Variants in VIT observed in about 807,000 individuals in gnomAD.
The protein encoded by VIT is vitrin.
In VIT, 99 loss-of-function variants were observed where a neutral mutation model predicts 78.0. The observed-to-expected ratio is 1.27, with a 90% confidence interval of 1.08 to 1.50. VIT has a LOEUF of 1.50. VIT is among the 40% of genes most tolerant of loss of function. VIT has a pLI of 0.00. For synonymous variants in VIT, 374 were observed against 334.3 expected (o/e 1.12, Z -1.29); for missense variants, 1,126 against 875.3 (o/e 1.29, Z -3.61).
intron 8 of VIT, among the ~76,000 whole-genome samples, chr2:36,774,287 C>T (rs1254033366): frequency 6.6e-6 from 1 of 152,092 alleles, no homozygotes; most frequent in Non-Finnish European, 1.5e-5. Context: ...CCCGGGAGTT[C>T]ACCTATGAAT....
chr2:36,757,932 G>A (rs1298580214), intron 5 of VIT, among the ~76,000 whole-genome samples: 6 of 152,068 alleles, frequency 3.9e-5, no homozygotes, highest in South Asian at 2.1e-4. Context: ...CCTAGACCCT[G>A]CTATTCTTTC....
At chr2:36,794,999 A>C (rs1013584657) in intron 12 of VIT, among the ~76,000 whole-genome samples, 2 of 152,162 alleles carry the variant, frequency 1.3e-5, no homozygotes, top group African/African-American at 4.8e-5. Flanking sequence ...GTTCACCTCC[A>C]CTGGGGATGA....
intron 1 of VIT, among the ~76,000 whole-genome samples, chr2:36,698,922 C>A (rs1236846155): frequency 1.3e-5 from 2 of 150,174 alleles, no homozygotes; most frequent in Non-Finnish European, 3.0e-5. Context: ...CCAGCCTGGG[C>A]AACAAAGTGA....
At chr2:36,765,956 A>G (rs11900609) in intron 6 of VIT, among the ~76,000 whole-genome samples, 2,923 of 152,326 alleles carry the variant, frequency 0.019, 98 homozygotes, top group African/African-American at 0.067. Context: ...GCATGCCCCA[A>G]TGGGGCCCAG....
chr2:36,806,437 G>A (rs1042337756), intron 14 of VIT, among the ~76,000 whole-genome samples: 1 of 151,990 alleles, frequency 6.6e-6, no homozygotes, highest in Non-Finnish European at 1.5e-5. Flanking sequence ...TTATTTCATT[G>A]CCTCTTGCCT....
At chr2:36,715,888 T>C (rs1263267256) in intron 1 of VIT, among the ~76,000 whole-genome samples, 1 of 152,192 alleles carries the variant, frequency 6.6e-6, no homozygotes, top group African/African-American at 2.4e-5. Flanking sequence ...CTTTCAAGGG[T>C]GAGAATTGTT....
chr2:36,739,771 C>T (rs762737503), intron 3 of VIT, among the ~76,000 whole-genome samples: 22 of 152,084 alleles, frequency 1.4e-4, no homozygotes, highest in East Asian at 1.9e-4. Flanking sequence ...AAGGGAGAAG[C>T]GGAGCAGGTG....
At chr2:36,770,496 C>A (rs927320689) in intron 7 of VIT, among the ~76,000 whole-genome samples, 2 of 152,184 alleles carry the variant, frequency 1.3e-5, no homozygotes, top group African/African-American at 4.8e-5. Flanking sequence ...GGCCCCTTAA[C>A]TGACCCATAA....
Position 36,808,590 on chromosome 2 carries a change from A to G in VIT, c.1508A>G (p.Lys503Arg). 6.2e-7 allele frequency: 1 copy of G among 1,614,196 alleles called. No homozygotes were observed. The change falls in exon 15 of 16, where the codon AAG (lysine) becomes AGG (arginine). Residue 503 changes from lysine (K) to arginine (R), a missense_variant. Lys to Arg is a conservative substitution (Grantham distance 26). Transcript: ENST00000379242. The stretch of plus-strand genomic sequence containing the variant: ...GACACTGACCGCCTGGCCTGCAGCA[A>G]GACCTGCTTGAACTCGGCTGACATT... Reference protein sequence around the residue: ...VCDTDRLACSKTCLNSADIGF... With the variant: ...VCDTDRLACSRTCLNSADIGF...
In VIT at chr2:36,814,651, C is replaced by A. The variant is rs1667436689; in HGVS notation, c.*290C>A. 2 of 321,276 alleles carry A rather than the reference C, an allele frequency of 6.2e-6. No individual in the cohort carries two copies. The highest frequency in any genetic ancestry group is 8.0e-5 in the South Asian group (1 of 12,424). The allele number at this position is 321,276 out of a possible 1,614,324, so 19.9% of individuals were successfully genotyped here. ...AATAAATGTTCGGAATACAGTGCAG[C>A]CCTTACGACAGGCTTACGTAGAGCT... is the stretch of plus-strand genomic sequence containing the variant. On this transcript the variant is annotated 3_prime_UTR_variant, in exon 16 of 16. Transcript: ENST00000379242.
At chr2:36,765,447 G>GAGAGAGAGAGAGAGAGA (rs759255390) in intron 6 of VIT, among the ~76,000 whole-genome samples, 26 of 148,768 alleles carry the variant, frequency 1.7e-4, no homozygotes, top group African/African-American at 3.5e-4. Flanking sequence ...GAGAGAGAGA[G>GAGAGAGAGAGAGAGAGA]GAAAAACTGC....
intron 15 of VIT, among the ~76,000 whole-genome samples, chr2:36,813,401 G>A (rs10200515): frequency 0.66 from 100,531 of 151,884 alleles, 33,973 homozygotes; most frequent in Admixed American, 0.8. Context: ...GTGAGTGGAG[G>A]TCACACCATT....
chr2:36,781,487 A>T (rs1043936613), intron 9 of VIT, among the ~76,000 whole-genome samples: 4 of 152,198 alleles, frequency 2.6e-5, no homozygotes, highest in African/African-American at 7.2e-5. Context: ...TTATTCCAAG[A>T]TTCTTGGTGC....
chr2:36,768,787 A>C (rs1416729778), intron 7 of VIT, among the ~76,000 whole-genome samples: 1 of 152,226 alleles, frequency 6.6e-6, no homozygotes, highest in African/African-American at 2.4e-5. Context: ...CAGCACAGCC[A>C]ACTTCTTCTT....
rs140591943 is a variant in VIT at position 36,749,037 on chromosome 2, G to T, written c.275+5781G>T. Among the ~76,000 whole-genome samples, 96 of 152,278 alleles carry T rather than the reference G, an allele frequency of 6.3e-4. 1 individual carries two copies. The highest frequency in any genetic ancestry group is 2.2e-3 in the African/African-American group (93 of 41,544). On this transcript the variant is annotated intron_variant, in intron 4 of 15. Transcript: ENST00000379242. Reference sequence around the variant, plus strand: ...TGACTTGGAAGTCATGCATGGTCCTGCATCTTTCATCATAGCACTCCATAA... The same window carrying T: ...TGACTTGGAAGTCATGCATGGTCCTTCATCTTTCATCATAGCACTCCATAA...
chr2:36,775,190 G>A, intron 9 of VIT, 123 bp downstream of exon 9: 2 of 1,079,436 alleles, frequency 1.9e-6, no homozygotes, highest in Non-Finnish European at 2.7e-6. Flanking sequence ...GGTCACCAGA[G>A]TTTGGGAGCA....
chr2:36,711,106 CAGG>C (rs1665773018), intron 1 of VIT, among the ~76,000 whole-genome samples: 1 of 152,160 alleles, frequency 6.6e-6, no homozygotes, highest in South Asian at 2.1e-4. Context: ...ATTCTTTCTC[CAGG>C]TTGCTTTTGC....
At chr2:36,716,869 CTTTTTTTTTTTT>C (rs557873230) in intron 2 of VIT, among the ~76,000 whole-genome samples, 1 of 78,698 alleles carries the variant, frequency 1.3e-5, no homozygotes, top group African/African-American at 5.4e-5. Context: ...AGAGATGATT[CTTTTTTTTTTTT>C]TTTTTTTTTT....
intron 6 of VIT, among the ~76,000 whole-genome samples, chr2:36,765,755 G>GTCTACCC (rs1254338493): frequency 2.0e-5 from 3 of 152,250 alleles, no homozygotes; most frequent in Non-Finnish European, 4.4e-5. Flanking sequence ...AAGACACAGA[G>GTCTACCC]TCTACCCTAT....
Sources: gnomAD v4.1 joint callset for allele counts (sites outside exome capture counted in the v4.1 genomes callset) on GRCh38, gnomAD v4.1.1 for gene constraint, MANE v1.5 for transcripts, NCBI Gene and HGNC (gene_info 2026-07-23, HGNC 2026-07-21) for gene names.